The following TRAF1 variants were observed in gnomAD, a reference collection of about 807,000 sequenced individuals.
The protein encoded by TRAF1 is TNF receptor-associated factor 1.
In TRAF1, 23 loss-of-function variants were observed where a neutral mutation model predicts 40.9. The ratio of observed to expected loss-of-function variants is 0.56; its 90% CI spans 0.40 to 0.80. The LOEUF (loss-of-function observed/expected upper bound fraction) is 0.80, where lower values mean the gene tolerates loss of function less well. Ranked by LOEUF, TRAF1 falls within the 30% of genes least tolerant of loss-of-function variation. The pLI is 0.00. For missense variants in TRAF1, 477 were observed against 528.7 expected, an observed-to-expected ratio of 0.90 and a Z score of 0.96; for synonymous variants, 206 against 218.8, an observed-to-expected ratio of 0.94 and a Z score of 0.52.
chr9:120,906,633 T>C (rs773193914), intron 7 of TRAF1, among the ~76,000 whole-genome samples: 3 of 152,142 alleles, frequency 2.0e-5, no homozygotes, highest in Admixed American at 1.3e-4. Flanking sequence ...TTTGTAACAA[T>C]TGATGAAGCT....
At chr9:120,925,373 T>C (rs1035526793) in intron 2 of TRAF1, among the ~76,000 whole-genome samples, 2 of 152,238 alleles carry the variant, frequency 1.3e-5, no homozygotes, top group African/African-American at 4.8e-5. Context: ...AGTACTGATA[T>C]CATGCCTTTC....
intron 5 of TRAF1, among the ~76,000 whole-genome samples, chr9:120,912,366 A>G (rs2046534214): frequency 1.3e-5 from 2 of 152,208 alleles, no homozygotes; most frequent in African/African-American, 4.8e-5. Flanking sequence ...CTACATTAAG[A>G]AAAGTATAGG....
chr9:120,911,233 C>T, intron 6 of TRAF1, 103 bp downstream of exon 6: 1 of 1,359,834 alleles, frequency 7.4e-7, no homozygotes, highest in Non-Finnish European at 1.0e-6. Context: ...CTAAACTGGA[C>T]ACAGCGTGTC....
At chr9:120,912,695 A>G (rs965463605) in intron 5 of TRAF1, among the ~76,000 whole-genome samples, 1 of 134,924 alleles carries the variant, frequency 7.4e-6, no homozygotes, top group Non-Finnish European at 1.7e-5. Context: ...GAAAAGTATA[A>G]GCTCTAGAAT....
intron 3 of TRAF1, 68 bp from the exon 4 acceptor site, chr9:120,914,368 T>C: frequency 7.5e-7 from 1 of 1,335,186 alleles, no homozygotes; most frequent in Non-Finnish European, 9.7e-7. Flanking sequence ...CTCTCTTCAA[T>C]GCACCAGGAT....
chr9:120,914,282 C>A lies in TRAF1; in HGVS notation c.247G>T (p.Glu83Ter). 1 of 1,540,094 alleles carries A rather than the reference C, an allele frequency of 6.5e-7. No homozygotes were observed. Among genetic ancestry groups the A allele is most frequent in the Non-Finnish European group, 8.8e-7 (1 of 1,133,480 alleles). ...TQEKAHPEVA[E>*]AGIGCPFAGV... ...GCAAAGGGGCACCCAATTCCAGCCT[C>A]AGCCACCTCGGGGTGAGCCTGGAAA... Residue 83 changes from glutamate (E) to a stop codon, truncating the protein, a stop_gained, in exon 4 of 8, where the codon GAG becomes TAG. Coordinates refer to ENST00000373887, the MANE Select transcript of TRAF1 (RefSeq NM_005658.5). LOFTEE classifies it high-confidence loss of function.
chr9:120,919,445 T>G (rs1366986908), intron 3 of TRAF1, among the ~76,000 whole-genome samples: 2 of 152,178 alleles, frequency 1.3e-5, no homozygotes, highest in Admixed American at 6.5e-5. Context: ...GGAATGTGAC[T>G]GTTAAGAGGG....
chr9:120,922,875 C>T (rs956170247), intron 3 of TRAF1, among the ~76,000 whole-genome samples: 6 of 152,058 alleles, frequency 3.9e-5, no homozygotes, highest in Non-Finnish European at 7.4e-5. Context: ...TCTCATTCTG[C>T]TACCCAGGCT....
At position 120,905,100 on chromosome 9, in the gene TRAF1, T is replaced by A. The variant is rs1203398160; in HGVS notation, c.1171A>T (p.Ser391Cys). ...GCGTGCTTGGGTGACTGCAGTTTGCTGAGGGGGAAGAAGAGTGGGCATCCA... is the reference window on the plus strand; with the variant it reads ...GCGTGCTTGGGTGACTGCAGTTTGCAGAGGGGGAAGAAGAGTGGGCATCCA... ...ASGCPLFFPL[S>C]KLQSPKHAYV... Residue 391 changes from serine (S) to cysteine (C), a missense_variant, in exon 8 of 8, where the codon AGC (serine) becomes TGC (cysteine). Transcript: ENST00000373887. 1 of 1,614,240 alleles carries A rather than the reference T, an allele frequency of 6.2e-7. No individual in the cohort carries two copies. The highest frequency in any genetic ancestry group is 8.5e-7 in the Non-Finnish European group (1 of 1,180,040).
intron 3 of TRAF1, among the ~76,000 whole-genome samples, chr9:120,921,864 C>T (rs1017881640): frequency 1.3e-5 from 2 of 152,178 alleles, no homozygotes; most frequent in Admixed American, 6.5e-5. Context: ...TGGACACTCG[C>T]CTGCCTCTGG....
chr9:120,905,087 G>A lies in TRAF1; in HGVS notation c.1184C>T (p.Ser395Leu), dbSNP rs1431935846. 6.2e-7 allele frequency: 1 copy of A among 1,614,148 alleles called. No individual in the cohort carries two copies. The highest frequency in any genetic ancestry group is 1.3e-5 in the African/African-American group (1 of 74,952). ...GTCCTTCACGTAGGCGTGCTTGGGT[G>A]ACTGCAGTTTGCTGAGGGGGAAGAA... ...PLFFPLSKLQSPKHAYVKDDT... is the reference protein window; with the variant it reads ...PLFFPLSKLQLPKHAYVKDDT... Residue 395 changes from serine (S) to leucine (L), a missense_variant, in exon 8 of 8, where the codon TCA (serine) becomes TTA (leucine). Coordinates refer to ENST00000373887, the MANE Select transcript of TRAF1 (RefSeq NM_005658.5).
rs201867327 is a variant in TRAF1 at position 120,909,193 on chromosome 9, G to C, written c.1032+37C>G. The C allele has an allele frequency of 8.4e-5, 134 of 1,600,544 alleles. No homozygotes were observed. The African/African-American group carries it at 1.6e-3, about 19-fold the overall frequency. On this transcript the variant is annotated intron_variant, in intron 7 of 7. Coordinates refer to ENST00000373887, the MANE Select transcript of TRAF1 (RefSeq NM_005658.5). ...CCAGGACTAGGACTCAGGCTTCCAT[G>C]CTCCCCACCTTACCCCCATCACCTT...
chr9:120,928,950 G>T (rs1182112393), upstream of TRAF1, among the ~76,000 whole-genome samples: 3 of 151,918 alleles, frequency 2.0e-5, no homozygotes, highest in Non-Finnish European at 4.4e-5. Context: ...TGGGCTGGGG[G>T]CAGTTGAGTC....
At chr9:120,916,446 C>A (rs1026201475) in intron 3 of TRAF1, among the ~76,000 whole-genome samples, 2 of 151,800 alleles carry the variant, frequency 1.3e-5, no homozygotes, top group Admixed American at 1.3e-4. Context: ...TAAATAAAAT[C>A]TTGATTCTAT....
intron 6 of TRAF1, among the ~76,000 whole-genome samples, chr9:120,910,269 G>A (rs573527972): frequency 3.9e-4 from 59 of 152,214 alleles, no homozygotes; most frequent in African/African-American, 1.4e-3. Flanking sequence ...AGAATTGAGG[G>A]AAAAAGGTCT....
In TRAF1 at chr9:120,920,731, T is replaced by C. The variant is rs990384636; in HGVS notation, c.228+2974A>G. 3.9e-5 allele frequency among the ~76,000 whole-genome samples: 6 copies of C among 152,314 alleles called. 2 individuals are homozygous for C. The South Asian group carries it at 1.0e-3, about 26-fold the overall frequency. ...TCAGTCCATGGCTCTGGGCACTTCT[T>C]TGGGAGATAATCATCTAATGAAGTC... On this transcript the variant is annotated intron_variant, in intron 3 of 7. Transcript: ENST00000373887.
Position 120,926,131 on chromosome 9 carries a change from C to A in TRAF1, c.-56G>T. 6.7e-7 allele frequency: 1 copy of A among 1,485,928 alleles called. No homozygotes were observed. The allele number at this position is 1,485,928 out of a possible 1,614,324, so 92.0% of individuals were successfully genotyped here. ...TTTAAGTTGCTCCAGGGCAGGGGAC[C>A]AGCCTTGTGGAGTCCTGGCCTGGGC... On this transcript the variant is annotated 5_prime_UTR_variant, in exon 2 of 8. Transcript: ENST00000373887.
At chr9:120,908,812 G>A (rs770878514) in intron 7 of TRAF1, among the ~76,000 whole-genome samples, 3 of 152,034 alleles carry the variant, frequency 2.0e-5, no homozygotes, top group African/African-American at 7.2e-5. Flanking sequence ...CGCCCGCCTC[G>A]GCCTCCCAAA....
At chr9:120,917,263 CCAT>C (rs1363385726) in intron 3 of TRAF1, among the ~76,000 whole-genome samples, 10 of 152,084 alleles carry the variant, frequency 6.6e-5, no homozygotes, top group African/African-American at 2.4e-4. Context: ...AGAGGCTTCT[CCAT>C]CATCATTATT....
Sources: allele counts gnomAD v4.1 joint callset (sites outside exome capture counted in the v4.1 genomes callset), GRCh38; gene constraint gnomAD v4.1.1; transcripts MANE v1.5; gene names NCBI Gene and HGNC (gene_info 2026-07-23, HGNC 2026-07-21).